The following SRGAP3 variants were observed in gnomAD, a reference collection of about 807,000 sequenced individuals.
SRGAP3 encodes the protein SLIT-ROBO Rho GTPase-activating protein 3.
Under a neutral mutation model 121.1 loss-of-function variants are expected in SRGAP3, and 39 were observed. The observed-to-expected ratio is 0.32, with a 90% CI of 0.25 to 0.42. The LOEUF (loss-of-function observed/expected upper bound fraction) is 0.42. Ranked by LOEUF, SRGAP3 falls within the 10% of genes least tolerant of loss-of-function variation. The pLI, the probability that SRGAP3 is intolerant of heterozygous loss-of-function variation, is 1.00. For synonymous variants in SRGAP3, 601 were observed against 570.0 expected, an observed-to-expected ratio of 1.05 and a Z score of -0.77; for missense variants, 1,213 against 1,470.6, an observed-to-expected ratio of 0.82 and a Z score of 2.86.
At chr3:9,042,034 G>C (rs1289992881) in intron 10 of SRGAP3, among the ~76,000 whole-genome samples, 4 of 150,728 alleles carry the variant, frequency 2.7e-5, no homozygotes, top group African/African-American at 9.8e-5. Context: ...CCAGGAGTTG[G>C]AGGTTACAAT....
rs187509936 is a variant in SRGAP3, at chr3:9,125,378, T to C, written c.68-461A>G. On this transcript the variant is annotated intron_variant, in intron 1 of 21. Coordinates refer to ENST00000383836, the MANE Select transcript of SRGAP3 (RefSeq NM_014850.4). The stretch of plus-strand genomic sequence containing the variant: ...ATTGTAAAATTCTATCTAGAGACAA[T>C]TGTTTACCAAAGGCTCTAAGCCTAA... 2.0e-5 allele frequency among the ~76,000 whole-genome samples: 3 copies of C among 152,310 alleles called. No individual in the cohort carries two copies. The East Asian group carries it at 5.8e-4, about 29-fold the overall frequency.
At chr3:9,162,285 T>C (rs961335968) in intron 1 of SRGAP3, among the ~76,000 whole-genome samples, 1 of 152,256 alleles carries the variant, frequency 6.6e-6, no homozygotes, top group Middle Eastern at 3.4e-3. Context: ...ATGGTTAAAA[T>C]GCCAAATTTT....
chr3:9,136,239 C>T (rs1481798667), intron 1 of SRGAP3, among the ~76,000 whole-genome samples: 1 of 152,242 alleles, frequency 6.6e-6, no homozygotes, highest in Non-Finnish European at 1.5e-5. Context: ...CTCCCCATTG[C>T]CGCCCTTCTC....
rs1160767453 is a variant in SRGAP3 at position 9,109,123 on chromosome 3, T to C, written c.261-4281A>G. On this transcript the variant is annotated intron_variant, in intron 2 of 21. Coordinates refer to ENST00000383836, the MANE Select transcript of SRGAP3 (RefSeq NM_014850.4). This position sits in a 1 kb window ranked among gnomAD's most constrained non-coding sequence, Gnocchi z 4.4. ...AAAGATTAAAGGAGAGATGAGATAATTGAGCTGTTACCTAAATTACTTCAG... is the reference window on the plus strand; with the variant it reads ...AAAGATTAAAGGAGAGATGAGATAACTGAGCTGTTACCTAAATTACTTCAG... 6.6e-6 allele frequency among the ~76,000 whole-genome samples: 1 copy of C among 152,138 alleles called. No homozygotes were observed. Among genetic ancestry groups the C allele is most frequent in the African/African-American group, 2.4e-5 (1 of 41,398 alleles).
At chr3:9,260,436 C>T (rs143946152) in intron 3 of SRGAP3, among the ~76,000 whole-genome samples, 5 of 152,336 alleles carry the variant, frequency 3.3e-5, no homozygotes, top group African/African-American at 9.6e-5. Context: ...ACTCTAAAGT[C>T]GACCTGCGAT....
At chr3:9,341,451 A>G (rs1311477299) in intron 1 of SRGAP3, among the ~76,000 whole-genome samples, 1 of 152,204 alleles carries the variant, frequency 6.6e-6, no homozygotes, top group Non-Finnish European at 1.5e-5. Flanking sequence ...CCTGAAATAA[A>G]TACCCAGGAG....
At chr3:9,126,427 G>A (rs1157078596) in intron 1 of SRGAP3, among the ~76,000 whole-genome samples, 3 of 152,068 alleles carry the variant, frequency 2.0e-5, no homozygotes, top group African/African-American at 7.2e-5. Flanking sequence ...GTCAGGAGGT[G>A]GAGACCATCC....
chr3:9,156,459 A>C (rs1157328094), intron 1 of SRGAP3, among the ~76,000 whole-genome samples: 1 of 152,166 alleles, frequency 6.6e-6, no homozygotes, highest in East Asian at 1.9e-4. Flanking sequence ...AGGTCTTGAC[A>C]ATGAGCTGCT....
intron 11 of SRGAP3, 126 bp from the exon 12 acceptor site, chr3:9,032,878 G>C: frequency 3.6e-6 from 3 of 828,788 alleles, no homozygotes. Context: ...CTGACCCCCC[G>C]CCAAGACATT....
chr3:9,025,376 C>G (rs1196564385), intron 13 of SRGAP3, 38 bp from the exon 14 acceptor site: 1 of 1,605,278 alleles, frequency 6.2e-7, no homozygotes, highest in South Asian at 1.1e-5. Context: ...ATAGTAAATC[C>G]ACGAGACCTT....
intron 7 of SRGAP3, 50 bp from the exon 8 acceptor site, chr3:9,056,384 T>G: frequency 1.9e-6 from 3 of 1,564,294 alleles, no homozygotes; most frequent in Non-Finnish European, 2.6e-6. Flanking sequence ...CCTCCTCACC[T>G]GTGTGGAGCT....
At chr3:9,102,027 G>A (rs1477537056) in intron 3 of SRGAP3, among the ~76,000 whole-genome samples, 1 of 152,214 alleles carries the variant, frequency 6.6e-6, no homozygotes, top group African/African-American at 2.4e-5. Flanking sequence ...AGCTGCCCAG[G>A]CCCAAGCCAG....
chr3:9,086,777 T>G (rs1472534827), intron 3 of SRGAP3, among the ~76,000 whole-genome samples: 1 of 148,854 alleles, frequency 6.7e-6, no homozygotes, highest in Non-Finnish European at 1.5e-5. Flanking sequence ...AATATGTATT[T>G]TATATGTATA....
intron 3 of SRGAP3, among the ~76,000 whole-genome samples, chr3:9,259,643 A>G (rs1205020261): frequency 6.6e-6 from 1 of 151,814 alleles, no homozygotes; most frequent in Non-Finnish European, 1.5e-5. Flanking sequence ...CTATTTCTGG[A>G]CTCTCCACAC....
chr3:9,174,822 T>C (rs923600251), intron 1 of SRGAP3, among the ~76,000 whole-genome samples: 3 of 152,206 alleles, frequency 2.0e-5, no homozygotes, highest in Admixed American at 1.3e-4. Flanking sequence ...GAATCAGTAC[T>C]CGCAGCTGAC....
chr3:9,001,994 C>T (rs185221221), intron 18 of SRGAP3, among the ~76,000 whole-genome samples: 103 of 152,138 alleles, frequency 6.8e-4, no homozygotes, highest in African/African-American at 2.3e-3. Context: ...TTCTCAATAA[C>T]GGAAAGAACA....
chr3:9,169,722 C>T (rs892073996), intron 1 of SRGAP3, among the ~76,000 whole-genome samples: 3 of 152,174 alleles, frequency 2.0e-5, no homozygotes, highest in African/African-American at 7.2e-5. Context: ...TAACCAATAC[C>T]ACATTTCTCA....
rs751292663 is a variant in SRGAP3, at chr3:9,056,293, C to G, written c.1065G>C (p.Leu355=). ...ACTGCAGCTGGTGATAACGCATGAG[C>G]AGTTCTGTCTGGACGGGCTGCTGAG... ...VSAQQPVQTE[L]LMRYHQLQSR... Residue 355 remains leucine (L), a synonymous_variant, in exon 8 of 22, where the codon CTG becomes CTC. Transcript: ENST00000383836. 1 of 1,613,902 alleles carries G rather than the reference C, an allele frequency of 6.2e-7. No individual in the cohort carries two copies. The highest frequency in any genetic ancestry group is 1.1e-5 in the South Asian group (1 of 91,076).
At chr3:9,108,580 T>C (rs1350067904) in intron 2 of SRGAP3, among the ~76,000 whole-genome samples, 2 of 152,210 alleles carry the variant, frequency 1.3e-5, no homozygotes, top group Non-Finnish European at 2.9e-5. Flanking sequence ...ATCATGCCAC[T>C]GCACTCCAGC....
Sources: allele counts gnomAD v4.1 joint callset (sites outside exome capture counted in the v4.1 genomes callset), GRCh38; gene constraint gnomAD v4.1.1; non-coding constraint Gnocchi (gnomAD v3.1); transcripts MANE v1.5; gene names NCBI Gene and HGNC (gene_info 2026-07-23, HGNC 2026-07-21).